The following AMMECR1 variants were observed in gnomAD, a reference collection of about 807,000 sequenced individuals.
The protein encoded by AMMECR1 is AMMECR nuclear protein 1.
In AMMECR1, 3 loss-of-function variants were observed where a neutral mutation model predicts 22.5. The observed-to-expected ratio is 0.13, with a 90% CI of 0.06 to 0.35. AMMECR1 has a LOEUF of 0.35. Ranked by LOEUF, AMMECR1 falls within the 10% of genes least tolerant of loss-of-function variation. The probability of loss-of-function intolerance (pLI) is 1.00; values close to 1 mark genes in which losing one functional copy is unlikely to be tolerated. For synonymous variants in AMMECR1, 130 were observed against 116.7 expected, an observed-to-expected ratio of 1.11 and a Z score of -0.74; for missense variants, 235 against 278.7, an observed-to-expected ratio of 0.84 and a Z score of 1.12.
At chrX:110,348,955 G>A (rs966090122) in intron 2 of AMMECR1, among the ~76,000 whole-genome samples, 1 of 111,857 alleles carries the variant, frequency 8.9e-6, no homozygotes, top group African/African-American at 3.2e-5. Flanking sequence ...AAAACTAAAA[G>A]CCCCTTATGC....
At chrX:110,269,650 T>C (rs1186649451) in intron 1 of AMMECR1, among the ~76,000 whole-genome samples, 1 of 111,338 alleles carries the variant, frequency 9.0e-6, no homozygotes, top group African/African-American at 3.3e-5. Context: ...AATACAACTA[T>C]ATTCCTCATA....
chrX:110,424,926 T>C (rs2068743570), intron 2 of AMMECR1, among the ~76,000 whole-genome samples: 1 of 111,639 alleles, frequency 9.0e-6, no homozygotes, highest in Admixed American at 9.5e-5. Context: ...CCAGGCAGTA[T>C]GCTAGGTGGT....
intron 2 of AMMECR1, among the ~76,000 whole-genome samples, chrX:110,404,232 C>T (rs773006666): frequency 8.9e-6 from 1 of 111,898 alleles, no homozygotes; most frequent in South Asian, 3.8e-4. Flanking sequence ...ATACCTTTAA[C>T]CTTTTCCCCT....
intron 1 of AMMECR1, among the ~76,000 whole-genome samples, chrX:110,314,564 G>A (rs1212819762): frequency 2.7e-5 from 3 of 111,844 alleles, no homozygotes; most frequent in African/African-American, 9.8e-5. Context: ...CCAAAGTTAA[G>A]AATGACTGCT....
chrX:110,216,500 A>T lies in AMMECR1; in HGVS notation c.699+18T>A, dbSNP rs187567445. 13 of 1,138,819 alleles carry T rather than the reference A, an allele frequency of 1.1e-5. No homozygotes were observed. The East Asian group carries it at 1.5e-4, about 13-fold the overall frequency. The allele number at this position is 1,138,819 out of a possible 1,213,427, so 93.9% of individuals were successfully genotyped here. On this transcript the variant is annotated intron_variant, in intron 3 of 5. Transcript: ENST00000262844. ...GAGTTACCTTCATTTTTCTTTAAAAATTTTTCTATAATCTTACCTCCCAGT... is the reference window on the plus strand; with the variant it reads ...GAGTTACCTTCATTTTTCTTTAAAATTTTTTCTATAATCTTACCTCCCAGT...
intron 1 of AMMECR1, among the ~76,000 whole-genome samples, chrX:110,314,410 T>C (rs1264226439): frequency 4.5e-5 from 5 of 111,958 alleles, no homozygotes; most frequent in South Asian, 3.7e-4. Context: ...TGGCTGCACA[T>C]TAAACTCACC....
intron 2 of AMMECR1, among the ~76,000 whole-genome samples, chrX:110,225,384 T>C (rs1474434156): frequency 1.8e-5 from 2 of 112,517 alleles, no homozygotes; most frequent in Admixed American, 1.9e-4. Context: ...ATCACTGTTA[T>C]CATCAGCCCA....
intron 2 of AMMECR1, among the ~76,000 whole-genome samples, chrX:110,420,324 G>A (rs2068707970): frequency 8.9e-6 from 1 of 112,168 alleles, no homozygotes; most frequent in Non-Finnish European, 1.9e-5. Flanking sequence ...AGGAATATTC[G>A]TTGAATGAGC....
chrX:110,322,950 C>A (rs2068084820), upstream of AMMECR1, among the ~76,000 whole-genome samples: 1 of 111,718 alleles, frequency 9.0e-6, no homozygotes, highest in South Asian at 3.7e-4. Flanking sequence ...CGTTGGCTAT[C>A]CACCCTACAG....
At chrX:110,324,966 T>A (rs1199934195) in intron 2 of AMMECR1, among the ~76,000 whole-genome samples, 2 of 110,976 alleles carry the variant, frequency 1.8e-5, no homozygotes, top group Admixed American at 9.6e-5. Flanking sequence ...TCTTTTCTTG[T>A]GATGTTTTTG....
chrX:110,357,971 A>G lies in AMMECR1; in HGVS notation c.-147-40122T>C, dbSNP rs2068239086. ...TACTTGCCTGGCCCTCTGTCTCCCCATTGGACATTTGTTTCATGAGGAGTA... is the reference window on the plus strand; with the variant it reads ...TACTTGCCTGGCCCTCTGTCTCCCCGTTGGACATTTGTTTCATGAGGAGTA... On this transcript the variant is annotated intron_variant, in intron 2 of 7. Transcript: ENST00000372057. Among the ~76,000 whole-genome samples, 4 of 111,624 alleles carry G rather than the reference A, an allele frequency of 3.6e-5. No individual in the cohort carries two copies. In the South Asian group the frequency reaches 1.5e-3, roughly 42 times the overall value.
At chrX:110,328,016 A>G (rs2068104621) in intron 2 of AMMECR1, among the ~76,000 whole-genome samples, 1 of 112,007 alleles carries the variant, frequency 8.9e-6, no homozygotes, top group East Asian at 2.8e-4. Flanking sequence ...ATGGAGTGAG[A>G]GAAATAGTTA....
rs780943588 is a variant in AMMECR1 at position 110,198,629 on chromosome X, C to T, written c.893G>A (p.Arg298His). The change falls in exon 6 of 6, where the codon CGT becomes CAT. Residue 298 changes from arginine (R) to histidine (H), a missense_variant. By Grantham distance (29) the Arg-to-His change is conservative. Around this residue, in one of 2 missense-constraint regions of AMMECR1, gnomAD observed 111 missense variants for 181.7 expected, o/e 0.61. Coordinates refer to ENST00000262844, the MANE Select transcript of AMMECR1 (RefSeq NM_015365.3). ...ATAGCTCAGGGTCATCTTTTCACTA[C>T]GATACCTGAAAGAAAGTCAGGGAAG... ...FRKTIKLTRY[R>H]SEKMTLSYAE... The T allele has an allele frequency of 1.1e-5, 13 of 1,183,555 alleles. No individual in the cohort carries two copies. The highest frequency in any genetic ancestry group is 6.0e-5 in the East Asian group (2 of 33,526).
At chrX:110,333,941 G>A (rs746617717) in intron 2 of AMMECR1, among the ~76,000 whole-genome samples, 1 of 110,764 alleles carries the variant, frequency 9.0e-6, no homozygotes. Flanking sequence ...AAACCTGCAC[G>A]TTCTGCACAT....
chrX:110,224,418 G>C (rs754711394), intron 2 of AMMECR1, among the ~76,000 whole-genome samples: 5 of 111,134 alleles, frequency 4.5e-5, no homozygotes, highest in Non-Finnish European at 9.4e-5. Context: ...ACTGCTGAGA[G>C]GAATAATCAG....
chrX:110,234,388 A>C (rs2067588305), intron 2 of AMMECR1, among the ~76,000 whole-genome samples: 1 of 112,389 alleles, frequency 8.9e-6, no homozygotes, highest in Non-Finnish European at 1.9e-5. Flanking sequence ...GATATCGTGA[A>C]AATGGCCATA....
chrX:110,231,366 T>A (rs2067565134), intron 2 of AMMECR1, among the ~76,000 whole-genome samples: 1 of 112,279 alleles, frequency 8.9e-6, no homozygotes, highest in Non-Finnish European at 1.9e-5. Flanking sequence ...ATATTCAACA[T>A]TCTTAAAGAA....
At chrX:110,222,246 C>G (rs1413910460) in intron 2 of AMMECR1, among the ~76,000 whole-genome samples, 2 of 85,074 alleles carry the variant, frequency 2.4e-5, no homozygotes, top group African/African-American at 8.7e-5. Flanking sequence ...CACATATACA[C>G]CATGGAATAC....
intron 1 of AMMECR1, among the ~76,000 whole-genome samples, chrX:110,265,275 A>G (rs1263610202): frequency 8.9e-6 from 1 of 111,938 alleles, no homozygotes; most frequent in East Asian, 2.8e-4. Context: ...AGAAAACTTC[A>G]TCAAGCTTGA....
Sources: allele counts gnomAD v4.1 joint callset (sites outside exome capture counted in the v4.1 genomes callset), GRCh38; gene constraint gnomAD v4.1.1; regional missense constraint gnomAD v4.1.1; transcripts MANE v1.5; gene names NCBI Gene and HGNC (gene_info 2026-07-23, HGNC 2026-07-21).